The following HOMER2 variants were observed in gnomAD, a reference collection of about 807,000 sequenced individuals.
HOMER2 encodes the protein homer protein homolog 2.
Under a neutral mutation model 47.0 loss-of-function variants are expected in HOMER2, and 27 were observed. The ratio of observed to expected loss-of-function variants is 0.57; its 90% CI spans 0.42 to 0.79. The LOEUF is 0.79. HOMER2 is among the 30% of genes least tolerant of loss of function. HOMER2 has a pLI of 0.00. For synonymous variants in HOMER2, 161 were observed against 163.8 expected (o/e 0.98, Z 0.13); for missense variants, 443 against 435.0 (o/e 1.02, Z -0.16).
At chr15:82,877,556 C>G (rs1477028105) in intron 2 of HOMER2, among the ~76,000 whole-genome samples, 6 of 152,186 alleles carry the variant, frequency 3.9e-5, no homozygotes, top group East Asian at 3.8e-4. Context: ...ACCCAGTTGT[C>G]TGACTCCAAG....
chr15:82,865,768 G>T (rs530751639), intron 3 of HOMER2, among the ~76,000 whole-genome samples: 3 of 152,202 alleles, frequency 2.0e-5, no homozygotes, highest in Non-Finnish European at 2.9e-5. Flanking sequence ...GGCTTCAAAG[G>T]GTGCAAGCCC....
At chr15:82,918,443 C>A (rs2053644788) in intron 1 of HOMER2, among the ~76,000 whole-genome samples, 1 of 152,156 alleles carries the variant, frequency 6.6e-6, no homozygotes, top group African/African-American at 2.4e-5. Flanking sequence ...TTCTCTCCTA[C>A]CAGGGCCTCA....
At chr15:82,927,177 A>G (rs2053873899) in intron 1 of HOMER2, among the ~76,000 whole-genome samples, 1 of 151,996 alleles carries the variant, frequency 6.6e-6, no homozygotes, top group South Asian at 2.1e-4. Context: ...ACTCCCAGTC[A>G]TCGACACCTG....
At chr15:82,948,390 CAAA>C (rs71156062) in intron 1 of HOMER2, among the ~76,000 whole-genome samples, 9 of 62,460 alleles carry the variant, frequency 1.4e-4, no homozygotes, top group Admixed American at 2.0e-4. Flanking sequence ...GACTCCATCT[CAAA>C]AAAAAAAAAA....
intron 1 of HOMER2, among the ~76,000 whole-genome samples, chr15:82,980,932 A>T (rs2030372857): frequency 6.6e-6 from 1 of 152,176 alleles, no homozygotes; most frequent in African/African-American, 2.4e-5. Context: ...ATTCTTTGTA[A>T]AATACGCATG....
At chr15:82,953,024 T>C (rs2054542722), upstream of HOMER2, among the ~76,000 whole-genome samples, 1 of 152,134 alleles carries the variant, frequency 6.6e-6, no homozygotes, top group Non-Finnish European at 1.5e-5. Flanking sequence ...CATTCACACC[T>C]GGCGGGGACT....
exon 2 of HOMER2, chr15:82,843,469 A>G: frequency 7.1e-6 from 1 of 140,594 alleles, no homozygotes; most frequent in Non-Finnish European, 1.6e-5. Context: ...AAAAAAAAAA[A>G]AAAGAATTGG....
rs535507437 is a variant in HOMER2 at position 82,932,179 on chromosome 15, G to C, written c.5+20352C>G. Reference sequence around the variant, plus strand: ...GGTGGGCAAGCAAAGGCCTATGCAGGAGAGCTCATTCCCGAGTAAGATGTA... The same window carrying C: ...GGTGGGCAAGCAAAGGCCTATGCAGCAGAGCTCATTCCCGAGTAAGATGTA... On this transcript the variant is annotated intron_variant, in intron 1 of 8. Coordinates refer to ENST00000450735, the MANE Select transcript of HOMER2 (RefSeq NM_004839.4). 5.0e-4 allele frequency among the ~76,000 whole-genome samples: 76 copies of C among 152,282 alleles called. 1 individual carries two copies. Among genetic ancestry groups the C allele is most frequent in the South Asian group, 1.2e-3 (6 of 4,828 alleles).
chr15:82,906,288 C>T (rs12385947), intron 1 of HOMER2, among the ~76,000 whole-genome samples: 88,798 of 152,010 alleles, frequency 0.58, 26,498 homozygotes, highest in African/African-American at 0.72. Context: ...ACAAAGAACA[C>T]GGGCAACAAA....
At chr15:82,872,051 G>A (rs1428559444) in intron 3 of HOMER2, among the ~76,000 whole-genome samples, 1 of 152,108 alleles carries the variant, frequency 6.6e-6, no homozygotes, top group African/African-American at 2.4e-5. Context: ...ATCACGTCTT[G>A]GACAGAAGCT....
At chr15:82,906,258 G>C (rs566833884) in intron 1 of HOMER2, among the ~76,000 whole-genome samples, 1 of 152,222 alleles carries the variant, frequency 6.6e-6, no homozygotes, top group South Asian at 2.1e-4. Flanking sequence ...GGCAGAAAAA[G>C]TGTAGAAGAA....
At chr15:82,896,228 C>A (rs1050372342) in intron 1 of HOMER2, among the ~76,000 whole-genome samples, 4 of 152,042 alleles carry the variant, frequency 2.6e-5, no homozygotes, top group African/African-American at 9.7e-5. Context: ...TAGCCTTCCG[C>A]AAGCACTCTC....
At chr15:82,893,960 T>A (rs886230409) in intron 1 of HOMER2, among the ~76,000 whole-genome samples, 8 of 152,320 alleles carry the variant, frequency 5.3e-5, no homozygotes, top group Non-Finnish European at 7.3e-5. Flanking sequence ...ATGATAGAAT[T>A]ATTTTTTATC....
chr15:82,934,775 T>C (rs924952660), intron 1 of HOMER2, among the ~76,000 whole-genome samples: 1 of 152,244 alleles, frequency 6.6e-6, no homozygotes, highest in Non-Finnish European at 1.5e-5. Context: ...TTTAAATTCA[T>C]GTTCTCTGAC....
In HOMER2 at chr15:82,903,066, G is replaced by C. The variant is rs191197525; in HGVS notation, c.6-10225C>G. Among the ~76,000 whole-genome samples the C allele has an allele frequency of 5.3e-5, 8 of 152,272 alleles. No homozygotes were observed. In the East Asian group the frequency reaches 1.3e-3, roughly 26 times the overall value. On this transcript the variant is annotated intron_variant, in intron 1 of 8. Coordinates refer to ENST00000450735, the MANE Select transcript of HOMER2 (RefSeq NM_004839.4). ...TAAATTTAGAAAATGCTGAGCAAAG[G>C]AGTGGCACAATCAGAACTACAATTT...
At chr15:82,932,658 G>A (rs946769082) in intron 1 of HOMER2, among the ~76,000 whole-genome samples, 5 of 152,094 alleles carry the variant, frequency 3.3e-5, no homozygotes, top group East Asian at 1.9e-4. Context: ...GAATTAATGC[G>A]CTGCCTCCTG....
chr15:82,861,212 C>T (rs1297703204), intron 4 of HOMER2, among the ~76,000 whole-genome samples: 1 of 152,144 alleles, frequency 6.6e-6, no homozygotes, highest in East Asian at 1.9e-4. Flanking sequence ...CCAATATCTC[C>T]ATTTCAAGAA....
chr15:82,844,277 A>G (rs1239533238), downstream of HOMER2: 1 of 150,290 alleles, frequency 6.7e-6, no homozygotes, highest in Non-Finnish European at 1.5e-5. Context: ...TGAGCCAGTG[A>G]TAACTTCAGA....
intron 1 of HOMER2, among the ~76,000 whole-genome samples, chr15:82,943,750 T>C (rs1247946964): frequency 1.3e-5 from 2 of 152,222 alleles, no homozygotes; most frequent in Non-Finnish European, 2.9e-5. Context: ...AAAGGCAGAC[T>C]GGACTTGGCC....
Sources: allele counts gnomAD v4.1 joint callset (sites outside exome capture counted in the v4.1 genomes callset), GRCh38; gene constraint gnomAD v4.1.1; transcripts MANE v1.5; gene names NCBI Gene and HGNC (gene_info 2026-07-23, HGNC 2026-07-21).